C3orf70: variants seen among roughly 807,000 people sequenced by gnomAD.
The protein encoded by C3orf70 is chromosome 3 open reading frame 70.
C3orf70 carries 15 observed loss-of-function variants against 20.7 expected under a neutral mutation model. The ratio of observed to expected loss-of-function variants is 0.72; its 90% CI spans 0.48 to 1.11. The LOEUF (loss-of-function observed/expected upper bound fraction) is 1.11. Ranked by LOEUF, C3orf70 falls within the 50% of genes most tolerant of loss-of-function variation. The pLI, the probability that C3orf70 is intolerant of heterozygous loss-of-function variation, is 0.00. For missense variants in C3orf70, 332 were observed against 317.6 expected (o/e 1.05, Z -0.34); for synonymous variants, 161 against 125.7 (o/e 1.28, Z -1.88).
intron 1 of C3orf70, among the ~76,000 whole-genome samples, chr3:185,088,353 G>A (rs1433684836): frequency 6.6e-6 from 1 of 152,192 alleles, no homozygotes; most frequent in African/African-American, 2.4e-5. Context: ...CTACATAAGA[G>A]TAAGACTGAG....
In C3orf70 at chr3:185,082,764, C is replaced by G; in HGVS notation, c.*243G>C. On this transcript the variant is annotated 3_prime_UTR_variant, in exon 2 of 2. Transcript: ENST00000335012. ...GTGAAATTAAGGCGGGGTCACAATT[C>G]ATGACACCAGATGCTACATAGAAAG... 6.5e-6 allele frequency: 3 copies of G among 462,606 alleles called. No homozygotes were observed. Among genetic ancestry groups the G allele is most frequent in the Non-Finnish European group, 1.2e-5 (3 of 260,808 alleles). 28.7% of individuals were successfully genotyped at this position (462,606 alleles called of 1,614,324 possible).
At chr3:185,119,381 G>A (rs900178296) in intron 1 of C3orf70, among the ~76,000 whole-genome samples, 5 of 152,250 alleles carry the variant, frequency 3.3e-5, no homozygotes, top group Middle Eastern at 3.4e-3. Flanking sequence ...AGCCGGGCGC[G>A]GTGGTTCACG....
chr3:185,104,307 T>TA (rs1011420080), intron 1 of C3orf70, among the ~76,000 whole-genome samples: 3 of 152,154 alleles, frequency 2.0e-5, no homozygotes, highest in South Asian at 4.1e-4. Context: ...TGGCTATTAT[T>TA]AAAAAGTCAA....
rs144031288 is a variant in C3orf70 at position 185,083,327 on chromosome 3, A to G, written c.433T>C (p.Tyr145His). 1,565 of 1,614,174 alleles carry G rather than the reference A, an allele frequency of 9.7e-4. 5 individuals are homozygous for G. The highest frequency in any genetic ancestry group is 1.2e-3 in the Non-Finnish European group (1,456 of 1,180,036). The stretch of plus-strand genomic sequence containing the variant: ...TGTGGTGCCGGCTGCTTCTGCACAT[A>G]ACACATCTTCCCATTAATACATTTA... ...QVKCINGKMC[Y>H]VQKQPAPHSH... Residue 145 changes from tyrosine (Y) to histidine (H), a missense_variant, in exon 2 of 2, where the codon TAT (tyrosine) becomes CAT (histidine). Transcript: ENST00000335012.
At chr3:185,126,098 G>A (rs1366327233) in intron 1 of C3orf70, among the ~76,000 whole-genome samples, 1 of 152,190 alleles carries the variant, frequency 6.6e-6, no homozygotes, top group Admixed American at 6.5e-5. Context: ...ATCATGGCAA[G>A]TACAACAGGA....
At chr3:185,131,704 TA>T (rs1048022324) in intron 1 of C3orf70, among the ~76,000 whole-genome samples, 11 of 152,174 alleles carry the variant, frequency 7.2e-5, no homozygotes, top group Non-Finnish European at 1.5e-4. Context: ...GAAACCCAAG[TA>T]AAAGTAGAAA....
At chr3:185,144,414 C>G (rs1028000930) in intron 1 of C3orf70, among the ~76,000 whole-genome samples, 3 of 152,156 alleles carry the variant, frequency 2.0e-5, no homozygotes, top group African/African-American at 7.2e-5. Context: ...GGAGGAGGGG[C>G]TGATCCTTCC....
chr3:185,112,880 A>G (rs180890614), intron 1 of C3orf70, among the ~76,000 whole-genome samples: 8 of 152,252 alleles, frequency 5.3e-5, no homozygotes, highest in African/African-American at 1.9e-4. Flanking sequence ...CTTTTTTTGA[A>G]TATTACATGC....
rs1052190618 is a variant in C3orf70 at position 185,081,711 on chromosome 3, C to T, written c.*1296G>A. 1 of 152,626 alleles carries T rather than the reference C, an allele frequency of 6.6e-6. No individual in the cohort carries two copies. Among genetic ancestry groups the T allele is most frequent in the Non-Finnish European group, 1.5e-5 (1 of 68,042 alleles). The allele number at this position is 152,626 out of a possible 1,614,324, so 9.5% of individuals were successfully genotyped here. The stretch of plus-strand genomic sequence containing the variant: ...GAGCTAAATAAGAAAGAATTAGTCA[C>T]TATTTTGTGCATGTGAGGGGAGAGA... On this transcript the variant is annotated 3_prime_UTR_variant, in exon 2 of 2. Coordinates refer to ENST00000335012, the MANE Select transcript of C3orf70 (RefSeq NM_001025266.3).
rs1281564636 is a variant in C3orf70, at chr3:185,083,044, T to C, written c.716A>G (p.Asp239Gly). The C allele has an allele frequency of 2.5e-6, 4 of 1,614,044 alleles. No homozygotes were observed. The highest frequency in any genetic ancestry group is 3.4e-6 in the Non-Finnish European group (4 of 1,179,998). Residue 239 changes from aspartate (D) to glycine (G), a missense_variant, in exon 2 of 2, where the codon GAC (aspartate) becomes GGC (glycine). Asp to Gly is a moderately conservative substitution (Grantham distance 94). Coordinates refer to ENST00000335012, the MANE Select transcript of C3orf70 (RefSeq NM_001025266.3). ...ECTLLSPSQS[D>G]LEVIETIETT... ...TTCTATCGTTTCAATCACTTCCAGGTCAGACTGCGAGGGGGAGAGAAGGGT... is the reference window on the plus strand; with the variant it reads ...TTCTATCGTTTCAATCACTTCCAGGCCAGACTGCGAGGGGGAGAGAAGGGT...
At position 185,152,703 on chromosome 3, in the gene C3orf70, G is replaced by A. The variant is rs749954121; in HGVS notation, c.121C>T (p.Leu41=). Residue 41 remains leucine (L), a synonymous_variant, in exon 1 of 2, where the codon CTG becomes TTG. Coordinates refer to ENST00000335012, the MANE Select transcript of C3orf70 (RefSeq NM_001025266.3). ...RRPDFQPCDG[L]SICATHSHGK... is the part of the protein sequence containing the mutation. ...TGGCTGTGCGTGGCACAGATAGACA[G>A]CCCGTCGCACGGCTGGAAGTCGGGT... 6.3e-7 allele frequency: 1 copy of A among 1,593,582 alleles called. No homozygotes were observed. Among genetic ancestry groups the A allele is most frequent in the Non-Finnish European group, 8.5e-7 (1 of 1,170,514 alleles).
rs745585057 is a variant in C3orf70 at position 185,083,538 on chromosome 3, G to A, written c.222C>T (p.Thr74=). 1 of 1,604,400 alleles carries A rather than the reference G, an allele frequency of 6.2e-7. No individual in the cohort carries two copies. Among genetic ancestry groups the A allele is most frequent in the Non-Finnish European group, 8.5e-7 (1 of 1,175,636 alleles). The part of the protein sequence containing the change: ...CHCKYMYQPM[T]PVEQLPSTEI... The stretch of plus-strand genomic sequence containing the variant: ...CAGTGCTTGGAAGCTGTTCCACAGG[G>A]GTCATAGGCTGATACATGTATTTGC... The change falls in exon 2 of 2, where the codon ACC becomes ACT. Residue 74 remains threonine, a synonymous_variant. Transcript: ENST00000335012.
chr3:185,112,799 T>G (rs1716100714), intron 1 of C3orf70, among the ~76,000 whole-genome samples: 1 of 152,178 alleles, frequency 6.6e-6, no homozygotes, highest in Non-Finnish European at 1.5e-5. Context: ...GTAACCTCTA[T>G]TTTGAACTTT....
rs57458452 is a variant in C3orf70, at chr3:185,096,137, T to C, written c.197-12574A>G. Among the ~76,000 whole-genome samples the C allele has an allele frequency of 8.3e-3, 1,053 of 127,226 alleles. 12 individuals are homozygous for C. Among genetic ancestry groups the C allele is most frequent in the African/African-American group, 0.025 (984 of 39,200 alleles). The allele number at this position is 127,226 out of a possible 152,430, so 83.5% of individuals were successfully genotyped here. A position where few individuals can be genotyped will look rare whatever the true frequency, so the allele number is the denominator to read the frequency against. ...GTTCCCAATGTAATCAAAGAAAATA[T>C]ACTTCTGTTTTTTTCTTTAATAATT... is the stretch of plus-strand genomic sequence containing the variant. On this transcript the variant is annotated intron_variant, in intron 1 of 1. Transcript: ENST00000335012.
chr3:185,104,069 G>A (rs1481696414), intron 1 of C3orf70, among the ~76,000 whole-genome samples: 1 of 152,210 alleles, frequency 6.6e-6, no homozygotes, highest in African/African-American at 2.4e-5. Context: ...CTACAGAGAT[G>A]ACAGGAGTTT....
chr3:185,119,914 C>T (rs1716257890), intron 1 of C3orf70, among the ~76,000 whole-genome samples: 1 of 150,928 alleles, frequency 6.6e-6, no homozygotes, highest in East Asian at 1.9e-4. Flanking sequence ...GTTCCAGCTA[C>T]TCGAGGTTGA....
intron 1 of C3orf70, among the ~76,000 whole-genome samples, chr3:185,140,716 A>T (rs1716733121): frequency 6.6e-6 from 1 of 151,572 alleles, no homozygotes; most frequent in Non-Finnish European, 1.5e-5. Context: ...TGGGAAGCCC[A>T]GGCGGATGGA....
At chr3:185,121,100 A>C (rs1156557290) in intron 1 of C3orf70, among the ~76,000 whole-genome samples, 1 of 152,196 alleles carries the variant, frequency 6.6e-6, no homozygotes, top group Non-Finnish European at 1.5e-5. Context: ...AGGACTGAAG[A>C]CTATTATTCT....
chr3:185,150,613 T>C (rs1174680602), intron 1 of C3orf70, among the ~76,000 whole-genome samples: 1 of 152,136 alleles, frequency 6.6e-6, no homozygotes, highest in Non-Finnish European at 1.5e-5. Context: ...GCTCAGTATG[T>C]GATGAAGATA....
Sources: gnomAD v4.1 joint callset for allele counts (sites outside exome capture counted in the v4.1 genomes callset) on GRCh38, gnomAD v4.1.1 for gene constraint, MANE v1.5 for transcripts, NCBI Gene and HGNC (gene_info 2026-07-23, HGNC 2026-07-21) for gene names.